Variants in PROS1 observed in about 807,000 individuals in gnomAD.
PROS1 encodes protein S, also known as vitamin K-dependent protein S.
A neutral mutation model predicts 75.9 loss-of-function variants in PROS1; 29 were observed. The observed-to-expected ratio is 0.38, with a 90% CI of 0.28 to 0.52. PROS1 has a LOEUF of 0.52. Ranked by LOEUF, PROS1 falls within the 20% of genes least tolerant of loss-of-function variation. The pLI is 0.83. For synonymous variants in PROS1, 245 were observed against 280.6 expected (o/e 0.87, Z 1.27); for missense variants, 680 against 810.3 (o/e 0.84, Z 1.95).
At position 93,893,321 on chromosome 3, in the gene PROS1, A is replaced by C. The variant is rs375071761; in HGVS notation, c.966-199T>G. On this transcript the variant is annotated intron_variant, in intron 9 of 14. Transcript: ENST00000394236. ...CTGGTTCCATGTACGTTTAAAATTA[A>C]GTTATTATATTTTCTTGCTTATTCT... Among the ~76,000 whole-genome samples, 172 of 152,292 alleles carry C rather than the reference A, an allele frequency of 1.1e-3. 1 individual carries two copies. Among genetic ancestry groups the C allele is most frequent in the African/African-American group, 3.8e-3 (159 of 41,564 alleles).
chr3:93,928,853 G>T, intron 1 of PROS1: 1 of 682,222 alleles, frequency 1.5e-6, no homozygotes, highest in Non-Finnish European at 2.2e-6. Flanking sequence ...AGAATAAACG[G>T]GAAATAAACA....
At chr3:93,944,747 C>T (rs370728908) in intron 1 of PROS1, among the ~76,000 whole-genome samples, 3 of 152,002 alleles carry the variant, frequency 2.0e-5, no homozygotes, top group Admixed American at 6.6e-5. Flanking sequence ...ATTAAAAGAA[C>T]TAGAGAAGCA....
chr3:93,911,110 A>T (rs1708753248), intron 3 of PROS1: 1 of 218,520 alleles, frequency 4.6e-6, no homozygotes, highest in African/African-American at 2.4e-5. Context: ...CAATAGAATC[A>T]GTTCGTGTTT....
intron 6 of PROS1, among the ~76,000 whole-genome samples, chr3:93,903,466 C>T (rs1416240562): frequency 6.6e-6 from 1 of 152,014 alleles, no homozygotes; most frequent in Admixed American, 6.6e-5. Context: ...GAATTTGAGA[C>T]CAGCCTGGAC....
chr3:93,919,907 A>G (rs9860039), intron 3 of PROS1, among the ~76,000 whole-genome samples: 6,367 of 152,102 alleles, frequency 0.042, 464 homozygotes, highest in African/African-American at 0.15. Context: ...CTTTCTCTGA[A>G]CTTTCTGTTC....
intron 1 of PROS1, among the ~76,000 whole-genome samples, chr3:93,949,308 T>A (rs1261130544): frequency 6.6e-6 from 1 of 152,214 alleles, no homozygotes; most frequent in Admixed American, 6.5e-5. Flanking sequence ...AAACTCACAA[T>A]CAATGTCACC....
At chr3:93,915,430 C>T (rs1708830360) in intron 3 of PROS1, among the ~76,000 whole-genome samples, 1 of 152,204 alleles carries the variant, frequency 6.6e-6, no homozygotes, top group Non-Finnish European at 1.5e-5. Flanking sequence ...CACACCACTG[C>T]ACTCCAGCCT....
intron 9 of PROS1, among the ~76,000 whole-genome samples, chr3:93,895,888 T>C (rs1239231787): frequency 2.0e-5 from 3 of 152,090 alleles, no homozygotes; most frequent in Non-Finnish European, 4.4e-5. Flanking sequence ...TTGCTTGACC[T>C]GGGAGGCGAA....
chr3:93,908,195 G>C (rs534911300), intron 4 of PROS1, among the ~76,000 whole-genome samples: 1 of 152,262 alleles, frequency 6.6e-6, no homozygotes, highest in African/African-American at 2.4e-5. Context: ...ACAAGGAATA[G>C]ATTTATCTTC....
intron 6 of PROS1, among the ~76,000 whole-genome samples, chr3:93,901,212 G>T (rs1708588451): frequency 6.6e-6 from 1 of 152,186 alleles, no homozygotes; most frequent in African/African-American, 2.4e-5. Flanking sequence ...CCAGGTTGTG[G>T]TGCGAAAATA....
chr3:93,950,883 C>T (rs1709484565), intron 1 of PROS1, among the ~76,000 whole-genome samples: 1 of 152,144 alleles, frequency 6.6e-6, no homozygotes, highest in Admixed American at 6.6e-5. Flanking sequence ...TAACAACAAA[C>T]TTCTCCAAGT....
rs547353960 is a variant in PROS1 at position 93,933,256 on chromosome 3, T to C, written c.77-5849A>G. On this transcript the variant is annotated intron_variant, in intron 1 of 14. Transcript: ENST00000394236. The stretch of plus-strand genomic sequence containing the variant: ...CATAACTGTGCTTCACAAGTCTCAA[T>C]TGATGAAACAGTATATTTTGTTTAA... 1.8e-4 allele frequency among the ~76,000 whole-genome samples: 28 copies of C among 152,296 alleles called. No individual in the cohort carries two copies. In the South Asian group the frequency reaches 4.6e-3, roughly 25 times the overall value.
chr3:93,914,850 A>G (rs1245818009), intron 3 of PROS1, among the ~76,000 whole-genome samples: 1 of 152,160 alleles, frequency 6.6e-6, no homozygotes, highest in Admixed American at 6.5e-5. Context: ...CGAAGTCCCC[A>G]AAGTCCATTG....
intron 1 of PROS1, among the ~76,000 whole-genome samples, chr3:93,964,263 A>T (rs2076986281): frequency 6.6e-6 from 1 of 152,348 alleles, no homozygotes; most frequent in Non-Finnish European, 1.5e-5. Flanking sequence ...GGGGTTGGGC[A>T]AAAACAGCCA....
At chr3:93,899,829 G>A (rs1708559935) in intron 7 of PROS1, among the ~76,000 whole-genome samples, 1 of 152,148 alleles carries the variant, frequency 6.6e-6, no homozygotes, top group Admixed American at 6.5e-5. Flanking sequence ...AGTTTCTGTT[G>A]GGGCTGATGA....
intron 3 of PROS1, among the ~76,000 whole-genome samples, chr3:93,914,292 C>T (rs191843045): frequency 6.6e-6 from 1 of 152,210 alleles, no homozygotes; most frequent in Non-Finnish European, 1.5e-5. Context: ...CCCAGGCTGC[C>T]CATAATAACC....
chr3:93,897,386 C>T (rs937578540), intron 8 of PROS1, among the ~76,000 whole-genome samples: 4 of 151,958 alleles, frequency 2.6e-5, no homozygotes, highest in Admixed American at 6.6e-5. Context: ...AGGAGAATTA[C>T]GTACATAGCA....
intron 1 of PROS1, among the ~76,000 whole-genome samples, chr3:93,967,575 T>C (rs1274363503): frequency 6.6e-6 from 1 of 152,186 alleles, no homozygotes; most frequent in Non-Finnish European, 1.5e-5. Context: ...GTATGTTCTC[T>C]GTACCAGCAA....
At chr3:93,906,863 T>C (rs1331845868) in intron 4 of PROS1, among the ~76,000 whole-genome samples, 1 of 152,146 alleles carries the variant, frequency 6.6e-6, no homozygotes, top group Non-Finnish European at 1.5e-5. Context: ...CCTAGCTGGG[T>C]GGGCATAAGC....
Sources: gnomAD v4.1 joint callset for allele counts (sites outside exome capture counted in the v4.1 genomes callset) on GRCh38, gnomAD v4.1.1 for gene constraint, MANE v1.5 for transcripts, NCBI Gene and HGNC (gene_info 2026-07-23, HGNC 2026-07-21) for gene names.